Variants in GHITM observed in about 807,000 individuals in gnomAD.
GHITM encodes the protein growth hormone inducible transmembrane protein.
GHITM carries 24 observed loss-of-function variants against 38.7 expected under a neutral mutation model. That is an observed-to-expected ratio of 0.62 (90% CI 0.45 to 0.87). The LOEUF (loss-of-function observed/expected upper bound fraction) is 0.87, where lower values mean the gene tolerates loss of function less well. GHITM is among the 40% of genes least tolerant of loss of function. The pLI is 0.00. For synonymous variants in GHITM, 154 were observed against 147.8 expected, an observed-to-expected ratio of 1.04 and a Z score of -0.30; for missense variants, 420 against 429.8, an observed-to-expected ratio of 0.98 and a Z score of 0.20.
At chr10:84,149,983 C>T in intron 6 of GHITM, 72 bp from the exon 7 acceptor site, 3 of 1,177,706 alleles carry the variant, frequency 2.5e-6, no homozygotes, top group Non-Finnish European at 2.3e-6. Flanking sequence ...TATAAAGTGG[C>T]ATGTTAGAAG....
chr10:84,148,813 G>A lies in GHITM; in HGVS notation c.567G>A (p.Lys189=). Residue 189 remains lysine (K), a synonymous_variant, in exon 6 of 9, where the codon AAG becomes AAA. Coordinates refer to ENST00000372134, the MANE Select transcript of GHITM (RefSeq NM_014394.3). Reference sequence around the variant, plus strand: ...CATATGACCAGAGCCCAGGCCCAAAGCATCTTGCTTGGTTGCTACATTCTG... The same window carrying A: ...CATATGACCAGAGCCCAGGCCCAAAACATCTTGCTTGGTTGCTACATTCTG... ...SIPYDQSPGP[K]HLAWLLHSGV... The A allele has an allele frequency of 1.2e-6, 2 of 1,608,766 alleles. 1 individual carries two copies. Among genetic ancestry groups the A allele is most frequent in the Non-Finnish European group, 1.7e-6 (2 of 1,175,136 alleles).
rs201409514 is a variant in GHITM at position 84,150,765 on chromosome 10, A to G, written c.838A>G (p.Met280Val). 62 of 1,612,264 alleles carry G rather than the reference A, an allele frequency of 3.8e-5. No individual in the cohort carries two copies. In the Middle Eastern group the frequency reaches 6.6e-4, roughly 17 times the overall value. ...VAGATLYSVAMYGGLVLFSMF... is the reference protein window; with the variant it reads ...VAGATLYSVAVYGGLVLFSMF... ...TGGTGCCACTCTTTACTCAGTGGCA[A>G]TGTACGGTGGATTAGTTCTTTTCAG... is the stretch of plus-strand genomic sequence containing the variant. The change falls in exon 8 of 9, where the codon ATG (methionine) becomes GTG (valine). Residue 280 changes from methionine to valine, a missense_variant. Coordinates refer to ENST00000372134, the MANE Select transcript of GHITM (RefSeq NM_014394.3).
chr10:84,147,383 C>G (rs984119071), intron 5 of GHITM, among the ~76,000 whole-genome samples: 3 of 152,144 alleles, frequency 2.0e-5, no homozygotes, highest in Admixed American at 1.3e-4. Context: ...AGGTCCATAC[C>G]ACTACACCCA....
chr10:84,148,431 G>A (rs898489711), intron 5 of GHITM, among the ~76,000 whole-genome samples: 1 of 152,116 alleles, frequency 6.6e-6, no homozygotes, highest in Non-Finnish European at 1.5e-5. Flanking sequence ...CAAGTAGCTG[G>A]GACTACAGGC....
Position 84,144,860 on chromosome 10 carries a change from T to G in GHITM, c.342-15T>G. 6.5e-7 allele frequency: 1 copy of G among 1,547,746 alleles called. No individual in the cohort carries two copies. Among genetic ancestry groups the G allele is most frequent in the Non-Finnish European group, 8.8e-7 (1 of 1,136,060 alleles). On this transcript the variant is annotated splice_polypyrimidine_tract_variant and intron_variant, in intron 4 of 8. Transcript: ENST00000372134. ...TCTGTAATTTCATAGATTAATCATGTCATGTTTCTTACAGAATTTGGCCTC... is the reference window on the plus strand; with the variant it reads ...TCTGTAATTTCATAGATTAATCATGGCATGTTTCTTACAGAATTTGGCCTC...
rs1270182853 is a variant in GHITM, at chr10:84,153,275, GCTT to G, written c.*931_*933del. 1.3e-5 allele frequency: 2 copies of G among 152,154 alleles called. No individual in the cohort carries two copies. Among genetic ancestry groups the G allele is most frequent in the Non-Finnish European group, 2.9e-5 (2 of 68,024 alleles). 9.4% of individuals were successfully genotyped at this position (152,154 alleles called of 1,614,324 possible). On this transcript the variant is annotated 3_prime_UTR_variant, in exon 9 of 9. Coordinates refer to ENST00000372134, the MANE Select transcript of GHITM (RefSeq NM_014394.3). ...CAAGCTTTCAAGCCTTTATAGAAAAGCTTCTTTGTGGCTTACACTGGAAATTAT... is the reference window on the plus strand; with the variant it reads ...CAAGCTTTCAAGCCTTTATAGAAAAGCTTTGTGGCTTACACTGGAAATTAT...
In GHITM at chr10:84,150,870, C is replaced by T. The variant is rs755359136; in HGVS notation, c.943C>T (p.Pro315Ser). ...SPMYGVQKYD[P>S]INSMLSIYMD... ...AATGTATGGAGTTCAAAAATATGATCCCATTAACTCGTAAGTAATGCTTTT... is the reference window on the plus strand; with the variant it reads ...AATGTATGGAGTTCAAAAATATGATTCCATTAACTCGTAAGTAATGCTTTT... The change falls in exon 8 of 9, where the codon CCC becomes TCC. Residue 315 changes from proline (P) to serine (S), a missense_variant. Pro to Ser is a moderately conservative substitution (Grantham distance 74, BLOSUM62 -1). Coordinates refer to ENST00000372134, the MANE Select transcript of GHITM (RefSeq NM_014394.3). 2 of 1,596,280 alleles carry T rather than the reference C, an allele frequency of 1.3e-6. No individual in the cohort carries two copies. Among genetic ancestry groups the T allele is most frequent in the South Asian group, 1.1e-5 (1 of 90,704 alleles).
At chr10:84,141,935 G>C (rs1387190694) in intron 2 of GHITM, among the ~76,000 whole-genome samples, 1 of 119,948 alleles carries the variant, frequency 8.3e-6, no homozygotes, top group Non-Finnish European at 1.6e-5. Context: ...GGAGCACATA[G>C]TCAGAAGTTT....
chr10:84,153,237 C>T lies in GHITM; in HGVS notation c.*889C>T, dbSNP rs888091913. The T allele has an allele frequency of 2.6e-5, 4 of 152,116 alleles. No individual in the cohort carries two copies. Among genetic ancestry groups the T allele is most frequent in the African/African-American group, 9.7e-5 (4 of 41,412 alleles). The allele number at this position is 152,116 out of a possible 1,614,324, so 9.4% of individuals were successfully genotyped here. ...ACTGTCTAATTGAATACAGCTTGCT[C>T]TTGTCACCTCTTCAAGCTTTCAAGC... On this transcript the variant is annotated 3_prime_UTR_variant, in exon 9 of 9. Coordinates refer to ENST00000372134, the MANE Select transcript of GHITM (RefSeq NM_014394.3).
At chr10:84,149,344 A>G (rs550936147) in intron 6 of GHITM, among the ~76,000 whole-genome samples, 141 of 152,360 alleles carry the variant, frequency 9.3e-4, no homozygotes, top group Non-Finnish European at 1.5e-3. Flanking sequence ...TATTAACCAT[A>G]TAACTTGATC....
chr10:84,141,477 C>G lies in GHITM; in HGVS notation c.-24C>G, dbSNP rs909969163. On this transcript the variant is annotated 5_prime_UTR_variant, in exon 2 of 9. Transcript: ENST00000372134. ...TTTAAACTAGCATTTCAGATCTGCT[C>G]GGTAGACCTGGTGCACCACCACCAT... The G allele has an allele frequency of 6.2e-7, 1 of 1,612,024 alleles. No individual in the cohort carries two copies. The highest frequency in any genetic ancestry group is 1.7e-4 in the Middle Eastern group (1 of 6,058).
intron 5 of GHITM, among the ~76,000 whole-genome samples, chr10:84,148,247 T>C (rs997350241): frequency 6.6e-6 from 1 of 152,184 alleles, no homozygotes; most frequent in Non-Finnish European, 1.5e-5. Flanking sequence ...AACCCAGAGC[T>C]TTTAATGTGC....
At chr10:84,144,384 C>T (rs1841537395) in intron 4 of GHITM, among the ~76,000 whole-genome samples, 1 of 152,102 alleles carries the variant, frequency 6.6e-6, no homozygotes, top group Non-Finnish European at 1.5e-5. Flanking sequence ...GAGAGAGAGT[C>T]TTGCTCTATC....
rs1421075485 is a variant in GHITM, at chr10:84,152,566, A to T, written c.*218A>T. ...TCCCAAATAAGCACACACATTTTCA[A>T]TTCTCATGTTTGAGTGATTTTAAAA... On this transcript the variant is annotated 3_prime_UTR_variant, in exon 9 of 9. Coordinates refer to ENST00000372134, the MANE Select transcript of GHITM (RefSeq NM_014394.3). 2 of 388,040 alleles carry T rather than the reference A, an allele frequency of 5.2e-6. No homozygotes were observed. The highest frequency in any genetic ancestry group is 9.1e-6 in the Non-Finnish European group (2 of 219,074). The allele number at this position is 388,040 out of a possible 1,614,324, so 24.0% of individuals were successfully genotyped here.
intron 4 of GHITM, among the ~76,000 whole-genome samples, 158 bp from the exon 5 acceptor site, chr10:84,144,717 C>T (rs1057137023): frequency 3.9e-5 from 6 of 152,022 alleles, no homozygotes; most frequent in African/African-American, 1.5e-4. Flanking sequence ...ACAGTAACTC[C>T]CAAGTATGCA....
At chr10:84,141,785 C>G (rs1298129137) in intron 2 of GHITM, among the ~76,000 whole-genome samples, 156 bp downstream of exon 2, 1 of 152,170 alleles carries the variant, frequency 6.6e-6, no homozygotes, top group East Asian at 1.9e-4. Flanking sequence ...TTGTATCATT[C>G]TGGTCCCTCC....
intron 4 of GHITM, 123 bp from the exon 5 acceptor site, chr10:84,144,752 T>G: frequency 1.8e-6 from 1 of 560,510 alleles, no homozygotes; most frequent in Non-Finnish European, 3.2e-6. Flanking sequence ...ATTTCCATGA[T>G]AAATGAAGTG....
At position 84,150,100 on chromosome 10, in the gene GHITM, C is replaced by T. The variant is rs771898412; in HGVS notation, c.638C>T (p.Pro213Leu). The stretch of plus-strand genomic sequence containing the variant: ...GCTCCTCTGACAATATTAGGGGGTC[C>T]TCTTCTCATCAGAGCTGCATGGTAC... The part of the protein sequence containing the change: ...VVAPLTILGG[P>L]LLIRAAWYTA... Residue 213 changes from proline to leucine, a missense_variant, in exon 7 of 9, where the codon CCT becomes CTT. Pro to Leu is a moderately conservative substitution (Grantham distance 98). Transcript: ENST00000372134. The T allele has an allele frequency of 6.8e-6, 11 of 1,611,302 alleles. No individual in the cohort carries two copies. Among genetic ancestry groups the T allele is most frequent in the African/African-American group, 4.0e-5 (3 of 74,832 alleles).
chr10:84,150,620 G>T, intron 7 of GHITM, 89 bp from the exon 8 acceptor site: 1 of 1,032,414 alleles, frequency 9.7e-7, no homozygotes, highest in South Asian at 1.7e-5. Context: ...GTATACCAAG[G>T]AGATTTTTTT....
Sources: gnomAD v4.1 joint callset for allele counts (sites outside exome capture counted in the v4.1 genomes callset) on GRCh38, gnomAD v4.1.1 for gene constraint, MANE v1.5 for transcripts, NCBI Gene and HGNC (gene_info 2026-07-23, HGNC 2026-07-21) for gene names.